Variants in PAPOLA observed in about 807,000 individuals in gnomAD.
The protein encoded by PAPOLA is polynucleotide adenylyltransferase alpha.
PAPOLA carries 15 observed loss-of-function variants against 100.6 expected under a neutral mutation model. The ratio of observed to expected loss-of-function variants is 0.15; its 90% confidence interval spans 0.10 to 0.23. The LOEUF is 0.23. Ranked by LOEUF, PAPOLA falls within the 10% of genes least tolerant of loss-of-function variation. PAPOLA has a pLI of 1.00. For missense variants in PAPOLA, 533 were observed against 884.2 expected, an observed-to-expected ratio of 0.60 and a Z score of 5.04; for synonymous variants, 293 against 300.0, an observed-to-expected ratio of 0.98 and a Z score of 0.24.
chr14:96,518,719 A>T (rs1221711009), intron 1 of PAPOLA, among the ~76,000 whole-genome samples: 1 of 151,930 alleles, frequency 6.6e-6, no homozygotes, highest in East Asian at 2.0e-4. Flanking sequence ...GTAGATTATC[A>T]CACTTTAACT....
chr14:96,544,397 A>G (rs1453711469), intron 15 of PAPOLA, 139 bp downstream of exon 15: 1 of 592,956 alleles, frequency 1.7e-6, no homozygotes, highest in South Asian at 2.1e-5. Flanking sequence ...ATGGTTTTGT[A>G]TTAGTCTAAT....
At chr14:96,548,981 G>A (rs1421758058) in intron 16 of PAPOLA, among the ~76,000 whole-genome samples, 1 of 152,202 alleles carries the variant, frequency 6.6e-6, no homozygotes, top group Non-Finnish European at 1.5e-5. Flanking sequence ...ATTTGAGCAA[G>A]TTACATGGCA....
At chr14:96,506,374 G>T (rs1371177684) in intron 1 of PAPOLA, among the ~76,000 whole-genome samples, 2 of 152,202 alleles carry the variant, frequency 1.3e-5, no homozygotes, top group Non-Finnish European at 2.9e-5. Context: ...GTTTTGAGGA[G>T]CACTTGTATG....
At position 96,532,533 on chromosome 14, in the gene PAPOLA, A is replaced by G; in HGVS notation, c.720A>G (p.Ile240Met). The G allele has an allele frequency of 6.2e-7, 1 of 1,610,346 alleles. No homozygotes were observed. The part of the protein sequence containing the change: ...WAKRHNIYSN[I>M]LGFLGGVSWA... ...CAGGCCACAACATCTATTCCAATATATTAGGTTTCCTCGGTGGTGTTTCCT... is the reference window on the plus strand; with the variant it reads ...CAGGCCACAACATCTATTCCAATATGTTAGGTTTCCTCGGTGGTGTTTCCT... Residue 240 changes from isoleucine (I) to methionine (M), a missense_variant, in exon 9 of 22, where the codon ATA (isoleucine) becomes ATG (methionine). Ile to Met is a conservative substitution (Grantham distance 10). Transcript: ENST00000216277.
chr14:96,519,236 T>G (rs1284641397), intron 1 of PAPOLA, among the ~76,000 whole-genome samples: 2 of 152,210 alleles, frequency 1.3e-5, no homozygotes, highest in South Asian at 2.1e-4. Flanking sequence ...TATAAACACT[T>G]AATTTCTTAA....
intron 16 of PAPOLA, among the ~76,000 whole-genome samples, chr14:96,548,946 G>A (rs11621962): frequency 6.6e-6 from 1 of 152,150 alleles, no homozygotes; most frequent in Non-Finnish European, 1.5e-5. Flanking sequence ...TTCAAATTCA[G>A]GCTCTACTGT....
intron 3 of PAPOLA, among the ~76,000 whole-genome samples, chr14:96,522,112 CTTTCTTTTTTT>C (rs1449770883): frequency 1.6e-4 from 16 of 98,714 alleles, no homozygotes; most frequent in Admixed American, 8.6e-4. Context: ...CTCTTTCTTT[CTTTCTTTTTTT>C]TTTTTTTTTT....
intron 15 of PAPOLA, among the ~76,000 whole-genome samples, chr14:96,545,598 T>G (rs192893777): frequency 6.6e-6 from 1 of 152,136 alleles, no homozygotes; most frequent in Non-Finnish European, 1.5e-5. Flanking sequence ...TTTTTTAAAT[T>G]TAAAATTGAA....
At chr14:96,532,093 G>T in intron 7 of PAPOLA, 1 of 1,300,986 alleles carries the variant, frequency 7.7e-7, no homozygotes, top group Non-Finnish European at 9.7e-7. Context: ...AGTTTACTTT[G>T]GTTTCTTTGG....
At chr14:96,548,315 G>A (rs773725304) in intron 16 of PAPOLA, among the ~76,000 whole-genome samples, 3 of 151,974 alleles carry the variant, frequency 2.0e-5, no homozygotes, top group African/African-American at 2.4e-5. Context: ...AATGAAAGTC[G>A]CTTTTTTTGG....
intron 5 of PAPOLA, 98 bp downstream of exon 5, chr14:96,527,637 C>G: frequency 1.4e-5 from 10 of 704,600 alleles, no homozygotes; most frequent in South Asian, 8.5e-5. Flanking sequence ...TGAGTTCTTG[C>G]AATTTGCCAA....
intron 1 of PAPOLA, among the ~76,000 whole-genome samples, chr14:96,513,137 C>G (rs935185474): frequency 1.6e-4 from 24 of 152,296 alleles, no homozygotes; most frequent in African/African-American, 5.8e-4. Context: ...GATCACAGAT[C>G]ACTACAGCCT....
At chr14:96,505,268 A>G (rs1896628579) in intron 1 of PAPOLA, among the ~76,000 whole-genome samples, 1 of 152,060 alleles carries the variant, frequency 6.6e-6, no homozygotes, top group Non-Finnish European at 1.5e-5. Flanking sequence ...CCACCCCTCC[A>G]TTTCCCCAGT....
chr14:96,525,190 C>T (rs1330534438), intron 3 of PAPOLA, 120 bp from the exon 4 acceptor site: 1 of 620,414 alleles, frequency 1.6e-6, no homozygotes, highest in East Asian at 3.0e-5. Context: ...ACTTTGAATA[C>T]CCTTTATATA....
intron 19 of PAPOLA, among the ~76,000 whole-genome samples, chr14:96,559,564 T>TCG (rs1901645101): frequency 9.2e-6 from 1 of 108,690 alleles, no homozygotes; most frequent in Non-Finnish European, 1.9e-5. Flanking sequence ...TCTCTCTCTC[T>TCG]CTCTCTCTCT....
chr14:96,526,224 C>T (rs1285630260), intron 4 of PAPOLA: 2 of 152,190 alleles, frequency 1.3e-5, no homozygotes, highest in Non-Finnish European at 2.9e-5. Flanking sequence ...TTATTTAGTT[C>T]TTCCAGTACT....
intron 6 of PAPOLA, among the ~76,000 whole-genome samples, chr14:96,529,464 T>C (rs1898794995): frequency 6.6e-6 from 1 of 151,858 alleles, no homozygotes; most frequent in South Asian, 2.1e-4. Flanking sequence ...GGCTCATGCC[T>C]GTAATCCCAG....
intron 12 of PAPOLA, chr14:96,537,805 T>C (rs1442373417): frequency 6.6e-6 from 1 of 151,974 alleles, no homozygotes; most frequent in Non-Finnish European, 1.5e-5. Context: ...GCTTGAAGCT[T>C]TTCTGACCAT....
chr14:96,554,029 A>AAACT (rs1468148918), intron 17 of PAPOLA, among the ~76,000 whole-genome samples: 2 of 152,182 alleles, frequency 1.3e-5, no homozygotes, highest in African/African-American at 2.4e-5. Flanking sequence ...TTAAGTGAAG[A>AAACT]AACTAACATT....
Sources: allele counts gnomAD v4.1 joint callset (sites outside exome capture counted in the v4.1 genomes callset), GRCh38; gene constraint gnomAD v4.1.1; transcripts MANE v1.5; gene names NCBI Gene and HGNC (gene_info 2026-07-23, HGNC 2026-07-21).